Variants in SMARCA5 observed in about 807,000 individuals in gnomAD.
SMARCA5 encodes SWI/SNF-related matrix-associated actin-dependent regulator of chromatin subfamily A member 5.
SMARCA5 carries 18 observed loss-of-function variants against 140.4 expected under a neutral mutation model. The ratio of observed to expected loss-of-function variants is 0.13; its 90% CI spans 0.09 to 0.19. The LOEUF is 0.19. Ranked by LOEUF, SMARCA5 falls within the 10% of genes least tolerant of loss-of-function variation. The pLI is 1.00. For missense variants in SMARCA5, 606 were observed against 1,276.8 expected, an observed-to-expected ratio of 0.47 and a Z score of 8.01; for synonymous variants, 449 against 419.6, an observed-to-expected ratio of 1.07 and a Z score of -0.86.
At chr4:143,520,351 C>T (rs529277737) in intron 2 of SMARCA5, among the ~76,000 whole-genome samples, 1 of 152,276 alleles carries the variant, frequency 6.6e-6, no homozygotes, top group African/African-American at 2.4e-5. Flanking sequence ...AGAGGCTTGT[C>T]ATCTGTAGGA....
At chr4:143,544,882 A>C (rs370195305) in intron 17 of SMARCA5, 35 bp downstream of exon 17, 4 of 1,124,984 alleles carry the variant, frequency 3.6e-6, no homozygotes, top group Non-Finnish European at 5.3e-6. Flanking sequence ...AATATCTAAA[A>C]ATTTTGAAAA....
chr4:143,528,878 G>A (rs1320278752), intron 8 of SMARCA5, among the ~76,000 whole-genome samples, 164 bp downstream of exon 8: 1 of 152,032 alleles, frequency 6.6e-6, no homozygotes, highest in East Asian at 1.9e-4. Context: ...GGTTGTCTCT[G>A]TATAATGGGA....
In SMARCA5 at chr4:143,536,742, C is replaced by T. The variant is rs2149821987; in HGVS notation, c.1495+64C>T. On this transcript the variant is annotated intron_variant, in intron 11 of 23. Transcript: ENST00000283131. ...AAATGCTCATGTTAAAACAAAGGAGCACTGTACTTTGAAATGACTGCTCTG... is the reference window on the plus strand; with the variant it reads ...AAATGCTCATGTTAAAACAAAGGAGTACTGTACTTTGAAATGACTGCTCTG... 2.6e-6 allele frequency: 3 copies of T among 1,146,448 alleles called. No homozygotes were observed. The South Asian group carries it at 4.0e-5, about 15-fold the overall frequency. 71.0% of individuals were successfully genotyped at this position (1,146,448 alleles called of 1,614,324 possible).
intron 16 of SMARCA5, 21 bp downstream of exon 16, chr4:143,543,993 G>A: frequency 6.6e-7 from 1 of 1,504,084 alleles, no homozygotes; most frequent in South Asian, 1.4e-5. Context: ...AATAGGTTTG[G>A]GTTACATGAA....
chr4:143,515,493 T>C (rs1018835019), intron 1 of SMARCA5, among the ~76,000 whole-genome samples: 2 of 152,206 alleles, frequency 1.3e-5, no homozygotes, highest in Non-Finnish European at 2.9e-5. Context: ...TGTGTAAATG[T>C]GCAGTTCTCT....
chr4:143,524,317 A>G (rs768499094), intron 3 of SMARCA5, 50 bp from the exon 4 acceptor site: 10 of 1,328,486 alleles, frequency 7.5e-6, no homozygotes, highest in Non-Finnish European at 9.5e-6. Flanking sequence ...ACAGTAGCTG[A>G]TAATTAAAGC....
chr4:143,513,964 G>C lies in SMARCA5; in HGVS notation c.40G>C (p.Glu14Gln). Residue 14 changes from glutamate (E) to glutamine (Q), a missense_variant, in exon 1 of 24, where the codon GAG becomes CAG. By Grantham distance (29) the Glu-to-Gln change is conservative (BLOSUM62 2). Transcript: ENST00000283131. ...AAEPPPPPPPESAPSKPAASI... is the reference protein window; with the variant it reads ...AAEPPPPPPPQSAPSKPAASI... The stretch of plus-strand genomic sequence containing the variant: ...CGAGCCTCCGCCACCCCCGCCTCCC[G>C]AGAGCGCGCCTTCCAAGCCCGCAGC... 6.4e-7 allele frequency: 1 copy of C among 1,555,196 alleles called. No individual in the cohort carries two copies.
chr4:143,553,895 A>G lies in SMARCA5; in HGVS notation c.*711A>G, dbSNP rs952418442. On this transcript the variant is annotated 3_prime_UTR_variant, in exon 24 of 24. Transcript: ENST00000283131. ...TTGTAAAAGGAATATTATTATTATTATTTTTAATTATTTGGTAAATATTTT... is the reference window on the plus strand; with the variant it reads ...TTGTAAAAGGAATATTATTATTATTGTTTTTAATTATTTGGTAAATATTTT... 6.6e-6 allele frequency: 1 copy of G among 151,280 alleles called. No homozygotes were observed. Among genetic ancestry groups the G allele is most frequent in the African/African-American group, 2.4e-5 (1 of 41,232 alleles). 9.4% of individuals were successfully genotyped at this position (151,280 alleles called of 1,614,324 possible). A position where few individuals can be genotyped will look rare whatever the true frequency, so the allele number is the denominator to read the frequency against.
In SMARCA5 at chr4:143,553,062, A is replaced by G. The variant is rs374597521; in HGVS notation, c.3094-57A>G. ...ACTAAAGTGTTATAATGTGTCTGCAACTATATTTCATGTTTATATTAGTCT... is the reference window on the plus strand; with the variant it reads ...ACTAAAGTGTTATAATGTGTCTGCAGCTATATTTCATGTTTATATTAGTCT... On this transcript the variant is annotated intron_variant, in intron 23 of 23. Transcript: ENST00000283131. 19 of 1,292,862 alleles carry G rather than the reference A, an allele frequency of 1.5e-5. No homozygotes were observed. The highest frequency in any genetic ancestry group is 9.5e-5 in the South Asian group (8 of 84,442). The allele number at this position is 1,292,862 out of a possible 1,614,324, so 80.1% of individuals were successfully genotyped here. A position where few individuals can be genotyped will look rare whatever the true frequency, so the allele number is the denominator to read the frequency against.
intron 20 of SMARCA5, among the ~76,000 whole-genome samples, 196 bp downstream of exon 20, chr4:143,547,104 C>T (rs1041292066): frequency 6.6e-6 from 1 of 152,064 alleles, no homozygotes; most frequent in Non-Finnish European, 1.5e-5. Flanking sequence ...TTTTTTAACC[C>T]TAGCTAACTC....
At chr4:143,534,359 C>T (rs557564212) in intron 9 of SMARCA5, among the ~76,000 whole-genome samples, 2 of 152,096 alleles carry the variant, frequency 1.3e-5, no homozygotes, top group South Asian at 4.2e-4. Flanking sequence ...ACAGTTAGCC[C>T]TTCATATCCA....
chr4:143,544,763 A>T lies in SMARCA5; in HGVS notation c.2199A>T (p.Pro733=). ...TTGCATTCACAGAGTGGATTGAACC[A>T]CCTAAACGAGAAAGAAAAGCCAACT... The part of the protein sequence containing the change: ...QKIAFTEWIE[P]PKRERKANYA... Residue 733 remains proline (P), a synonymous_variant, in exon 17 of 24, where the codon CCA becomes CCT. Coordinates refer to ENST00000283131, the MANE Select transcript of SMARCA5 (RefSeq NM_003601.4). 6.2e-7 allele frequency: 1 copy of T among 1,611,772 alleles called. No individual in the cohort carries two copies. The highest frequency in any genetic ancestry group is 8.5e-7 in the Non-Finnish European group (1 of 1,178,614).
At chr4:143,532,713 G>T (rs1737216298) in intron 9 of SMARCA5, among the ~76,000 whole-genome samples, 2 of 146,768 alleles carry the variant, frequency 1.4e-5, no homozygotes, top group African/African-American at 5.1e-5. Context: ...CCCCCTTTAG[G>T]GGTTACTAAG....
At position 143,555,348 on chromosome 4, in the gene SMARCA5, C is replaced by G. The variant is rs1445610078; in HGVS notation, c.*2164C>G. ...TCATTACCAAATCTATTATAGCAAT[C>G]CCCACTGCCACCATATCCATCACCA... On this transcript the variant is annotated 3_prime_UTR_variant, in exon 24 of 24. Transcript: ENST00000283131. 1 of 719,996 alleles carries G rather than the reference C, an allele frequency of 1.4e-6. No homozygotes were observed. The highest frequency in any genetic ancestry group is 2.6e-5 in the East Asian group (1 of 38,874). 44.6% of individuals were successfully genotyped at this position (719,996 alleles called of 1,614,324 possible). A position where few individuals can be genotyped will look rare whatever the true frequency, so the allele number is the denominator to read the frequency against.
chr4:143,526,584 T>C lies in SMARCA5; in HGVS notation c.801+124T>C, dbSNP rs1247459863. 7 of 670,042 alleles carry C rather than the reference T, an allele frequency of 1.0e-5. No homozygotes were observed. In the Admixed American group the frequency reaches 1.7e-4, roughly 17 times the overall value. 41.5% of individuals were successfully genotyped at this position (670,042 alleles called of 1,614,324 possible). A position where few individuals can be genotyped will look rare whatever the true frequency, so the allele number is the denominator to read the frequency against. ...CTTCGCAAATATTAGTATTTACAAA[T>C]GTAGCATTGTCTTGGTGGATAAAAA... On this transcript the variant is annotated intron_variant, in intron 6 of 23. Coordinates refer to ENST00000283131, the MANE Select transcript of SMARCA5 (RefSeq NM_003601.4).
rs1339172675 is a variant in SMARCA5 at position 143,548,169 on chromosome 4, G to A, written c.2985+29G>A. On this transcript the variant is annotated intron_variant, in intron 22 of 23. Transcript: ENST00000283131. Reference sequence around the variant, plus strand: ...AGTGCTCAGGGCTTTTTTGTGTAATGTAGCAGAGTTCAGAGTAAGTGTCAT... The same window carrying A: ...AGTGCTCAGGGCTTTTTTGTGTAATATAGCAGAGTTCAGAGTAAGTGTCAT... 2.2e-6 allele frequency: 3 copies of A among 1,353,210 alleles called. No individual in the cohort carries two copies. In the African/African-American group the frequency reaches 4.3e-5, roughly 20 times the overall value. The allele number at this position is 1,353,210 out of a possible 1,614,324, so 83.8% of individuals were successfully genotyped here.
At chr4:143,529,228 C>T (rs1016758631) in intron 8 of SMARCA5, among the ~76,000 whole-genome samples, 9 of 152,174 alleles carry the variant, frequency 5.9e-5, no homozygotes, top group African/African-American at 2.2e-4. Flanking sequence ...AGCCACCACA[C>T]CAGGCCTCAG....
chr4:143,539,935 A>G (rs771617991), intron 13 of SMARCA5, among the ~76,000 whole-genome samples: 1 of 152,226 alleles, frequency 6.6e-6, no homozygotes, highest in Non-Finnish European at 1.5e-5. Flanking sequence ...AGTTAGCAAA[A>G]GTAAAACAAA....
Position 143,540,788 on chromosome 4 carries a change from A to T in SMARCA5, c.1903+293A>T, listed in dbSNP as rs557616560. On this transcript the variant is annotated intron_variant, in intron 14 of 23. Coordinates refer to ENST00000283131, the MANE Select transcript of SMARCA5 (RefSeq NM_003601.4). ...GGGATAAAAATAACTACACTTAAGG[A>T]TTTTAAAGGATTAAAGGGGATAATG... is the stretch of plus-strand genomic sequence containing the variant. 2.1e-3 allele frequency among the ~76,000 whole-genome samples: 324 copies of T among 152,300 alleles called. 4 individuals are homozygous for T. Among genetic ancestry groups the T allele is most frequent in the African/African-American group, 7.3e-3 (303 of 41,568 alleles).
Sources: gnomAD v4.1 joint callset for allele counts (sites outside exome capture counted in the v4.1 genomes callset) on GRCh38, gnomAD v4.1.1 for gene constraint, MANE v1.5 for transcripts, NCBI Gene and HGNC (gene_info 2026-07-23, HGNC 2026-07-21) for gene names.